The following DNAH14 variants were observed in gnomAD, a reference collection of about 807,000 sequenced individuals.
The protein encoded by DNAH14 is axonemal beta dynein heavy chain 14.
Under a neutral mutation model 520.9 loss-of-function variants are expected in DNAH14, and 478 were observed. That is an observed-to-expected ratio of 0.92 (90% CI 0.85 to 0.99). The LOEUF is 0.99. Among genes scored for constraint, DNAH14 ranks in the 50% least tolerant of loss-of-function variants. The pLI, the probability that DNAH14 is intolerant of heterozygous loss-of-function variation, is 0.00. For synonymous variants in DNAH14, 1,581 were observed against 1,757.2 expected (o/e 0.90, Z 2.51); for missense variants, 4,831 against 5,234.5 (o/e 0.92, Z 2.38).
intron 23 of DNAH14, 128 bp downstream of exon 23, chr1:225,101,012 T>A: frequency 1.4e-6 from 1 of 708,662 alleles, no homozygotes; most frequent in Non-Finnish European, 2.2e-6. Flanking sequence ...AACAATTTTT[T>A]AAACTCTCAC....
intron 36 of DNAH14, among the ~76,000 whole-genome samples, chr1:225,171,896 C>T (rs1371999940): frequency 1.3e-5 from 2 of 152,186 alleles, no homozygotes; most frequent in African/African-American, 4.8e-5. Context: ...AATCCAGCAG[C>T]ACATCAAAAA....
intron 55 of DNAH14, among the ~76,000 whole-genome samples, chr1:225,295,326 C>T (rs1398520219): frequency 6.6e-6 from 1 of 151,614 alleles, no homozygotes; most frequent in African/African-American, 2.4e-5. Context: ...TTTGTAGTTC[C>T]CTGAGATGGA....
chr1:225,073,595 C>T (rs1007519124), intron 17 of DNAH14, among the ~76,000 whole-genome samples: 10 of 152,300 alleles, frequency 6.6e-5, no homozygotes, highest in African/African-American at 2.2e-4. Flanking sequence ...GCAAAGATGG[C>T]GGCCCGCTCC....
At chr1:225,369,025 G>C (rs900577703) in intron 77 of DNAH14, among the ~76,000 whole-genome samples, 1 of 152,116 alleles carries the variant, frequency 6.6e-6, no homozygotes, top group Non-Finnish European at 1.5e-5. Context: ...CCATATATTA[G>C]ACATGTTGGT....
chr1:224,947,459 C>G (rs2489298), intron 1 of DNAH14, among the ~76,000 whole-genome samples: 1 of 151,840 alleles, frequency 6.6e-6, no homozygotes, highest in African/African-American at 2.4e-5. Flanking sequence ...AGATTCTGAT[C>G]GGAGTTATTT....
intron 9 of DNAH14, among the ~76,000 whole-genome samples, chr1:225,005,711 AGAT>A (rs2064116662): frequency 6.6e-6 from 1 of 152,162 alleles, no homozygotes; most frequent in Non-Finnish European, 1.5e-5. Flanking sequence ...ATATGATAAA[AGAT>A]AAACATATCT....
chr1:224,955,483 C>A (rs2060453974), intron 3 of DNAH14, among the ~76,000 whole-genome samples: 1 of 152,090 alleles, frequency 6.6e-6, no homozygotes, highest in South Asian at 2.1e-4. Flanking sequence ...TTGGTCTTAC[C>A]TACTAGTGTC....
chr1:225,266,281 G>A (rs141458826), intron 48 of DNAH14, among the ~76,000 whole-genome samples: 517 of 152,190 alleles, frequency 3.4e-3, no homozygotes, highest in Non-Finnish European at 5.4e-3. Context: ...TAGGCACTCA[G>A]TAAGTAAATC....
In DNAH14 at chr1:225,360,871, G is replaced by A; in HGVS notation, c.11967G>A (p.Arg3989=). Residue 3989 remains arginine, a synonymous_variant, in exon 75 of 86, where the codon AGG becomes AGA. Transcript: ENST00000682510. The part of the protein sequence containing the change: ...NCHLATSFMP[R]LCTIVESFNS... ...ATCTTGCAACATCATTTATGCCAAG[G>A]CTTTGCACAATTGTAGAATCGTAAG... is the stretch of plus-strand genomic sequence containing the variant. 1 of 1,551,664 alleles carries A rather than the reference G, an allele frequency of 6.4e-7. No individual in the cohort carries two copies. Among genetic ancestry groups the A allele is most frequent in the Non-Finnish European group, 8.7e-7 (1 of 1,146,962 alleles).
At chr1:225,071,486 T>A (rs1435555584) in intron 17 of DNAH14, among the ~76,000 whole-genome samples, 3 of 152,190 alleles carry the variant, frequency 2.0e-5, no homozygotes, top group African/African-American at 7.2e-5. Context: ...CTTTTTTTCT[T>A]CAAGTATGTT....
intron 8 of DNAH14, among the ~76,000 whole-genome samples, chr1:224,993,931 A>G (rs558159250): frequency 4.9e-4 from 75 of 151,974 alleles, no homozygotes; most frequent in African/African-American, 1.8e-3. Flanking sequence ...TAATTTCTTC[A>G]TTGGCTTTTT....
intron 76 of DNAH14, among the ~76,000 whole-genome samples, chr1:225,366,061 C>T (rs2095549211): frequency 6.6e-6 from 1 of 152,026 alleles, no homozygotes; most frequent in South Asian, 2.1e-4. Flanking sequence ...GGGCAAAGGA[C>T]ACAAGAGGTC....
intron 64 of DNAH14, among the ~76,000 whole-genome samples, chr1:225,325,157 CTT>C (rs34311017): frequency 2.4e-4 from 35 of 145,068 alleles, no homozygotes; most frequent in African/African-American, 5.3e-4. Flanking sequence ...AATCTGTGCT[CTT>C]TTTTTTTTTT....
chr1:225,169,316 GAGA>G (rs1463962154), intron 36 of DNAH14, among the ~76,000 whole-genome samples: 2 of 152,188 alleles, frequency 1.3e-5, no homozygotes, highest in African/African-American at 2.4e-5. Flanking sequence ...GACGAGTTGA[GAGA>G]AGAAGACTTC....
At chr1:225,036,744 T>G (rs2067000956) in intron 11 of DNAH14, among the ~76,000 whole-genome samples, 1 of 152,198 alleles carries the variant, frequency 6.6e-6, no homozygotes, top group Non-Finnish European at 1.5e-5. Flanking sequence ...TGTCTGTGTT[T>G]TACTGTCTGC....
At chr1:225,049,577 G>A (rs2068311730) in intron 15 of DNAH14, among the ~76,000 whole-genome samples, 1 of 151,646 alleles carries the variant, frequency 6.6e-6, no homozygotes, top group Admixed American at 6.6e-5. Context: ...TTCTTTTATG[G>A]GTTATACCTT....
In DNAH14 at chr1:225,308,268, A is replaced by G. The variant is rs2094290239; in HGVS notation, c.9115-17A>G. ...TCTCTTAAAATTCATTCTAAGAACA[A>G]TTATGTGCTTCATTAGGAAACAGAA... On this transcript the variant is annotated splice_polypyrimidine_tract_variant and intron_variant, in intron 59 of 85. Coordinates refer to ENST00000682510, the MANE Select transcript of DNAH14 (RefSeq NM_001367479.1). 6.5e-7 allele frequency: 1 copy of G among 1,530,776 alleles called. No individual in the cohort carries two copies. The allele number at this position is 1,530,776 out of a possible 1,614,324, so 94.8% of individuals were successfully genotyped here.
At chr1:225,323,671 C>T (rs2094596763) in intron 62 of DNAH14, among the ~76,000 whole-genome samples, 1 of 152,080 alleles carries the variant, frequency 6.6e-6, no homozygotes, top group African/African-American at 2.4e-5. Context: ...CCATGTTGGT[C>T]AGGCTGGTCT....
intron 8 of DNAH14, among the ~76,000 whole-genome samples, chr1:224,977,639 G>A (rs2061958811): frequency 6.6e-6 from 1 of 152,138 alleles, no homozygotes; most frequent in Admixed American, 6.5e-5. Flanking sequence ...AATAGGTACA[G>A]CTTTTTGCGT....
Sources: allele counts gnomAD v4.1 joint callset (sites outside exome capture counted in the v4.1 genomes callset), GRCh38; gene constraint gnomAD v4.1.1; transcripts MANE v1.5; gene names NCBI Gene and HGNC (gene_info 2026-07-23, HGNC 2026-07-21).